MKLN1: variants seen among roughly 807,000 people sequenced by gnomAD.
The protein encoded by MKLN1 is muskelin.
Under a neutral mutation model 99.0 loss-of-function variants are expected in MKLN1, and 18 were observed. That is an observed-to-expected ratio of 0.18 (90% CI 0.13 to 0.27). The LOEUF (loss-of-function observed/expected upper bound fraction) is 0.27, where lower values mean the gene tolerates loss of function less well. Ranked by LOEUF, MKLN1 falls within the 10% of genes least tolerant of loss-of-function variation. MKLN1 has a pLI of 1.00. For missense variants in MKLN1, 621 were observed against 875.9 expected, an observed-to-expected ratio of 0.71 and a Z score of 3.67; for synonymous variants, 288 against 293.2, an observed-to-expected ratio of 0.98 and a Z score of 0.18.
intron 2 of MKLN1, among the ~76,000 whole-genome samples, chr7:131,189,640 T>C (rs935857439): frequency 1.3e-5 from 2 of 152,076 alleles, no homozygotes; most frequent in African/African-American, 4.8e-5. Flanking sequence ...TTAGCTTTGT[T>C]TGCAAGATGC....
At chr7:131,262,393 T>C (rs1013838704) in intron 3 of MKLN1, among the ~76,000 whole-genome samples, 21 of 151,976 alleles carry the variant, frequency 1.4e-4, no homozygotes, top group Non-Finnish European at 2.9e-5. Context: ...GCCGAGATTG[T>C]GCCACTGCAC....
chr7:131,186,762 C>G (rs1563245249), intron 2 of MKLN1, among the ~76,000 whole-genome samples: 1 of 152,064 alleles, frequency 6.6e-6, no homozygotes, highest in Admixed American at 6.5e-5. Context: ...TGTGCCTGGC[C>G]CATAGTAAGT....
chr7:131,379,030 G>T (rs1350599867), intron 2 of MKLN1, among the ~76,000 whole-genome samples: 1 of 152,008 alleles, frequency 6.6e-6, no homozygotes, highest in African/African-American at 2.4e-5. Context: ...AAGAAAACTC[G>T]TCTCTGAGAG....
intron 1 of MKLN1, among the ~76,000 whole-genome samples, chr7:131,354,532 T>A (rs1563307869): frequency 6.6e-6 from 1 of 151,596 alleles, no homozygotes; most frequent in Non-Finnish European, 1.5e-5. Context: ...GGCGTAAATC[T>A]TGTGGGATTT....
intron 1 of MKLN1, among the ~76,000 whole-genome samples, chr7:131,124,579 G>T (rs1795425064): frequency 6.6e-6 from 1 of 152,088 alleles, no homozygotes; most frequent in African/African-American, 2.4e-5. Context: ...TTTCAGTTAG[G>T]TCAGCCATGG....
intron 6 of MKLN1, among the ~76,000 whole-genome samples, chr7:131,410,314 T>C (rs1229096783): frequency 6.6e-6 from 1 of 152,212 alleles, no homozygotes. Context: ...TTTCTTACTT[T>C]TTTTAAATAC....
At chr7:131,375,199 GAA>G (rs1279798972) in intron 1 of MKLN1, among the ~76,000 whole-genome samples, 2 of 152,078 alleles carry the variant, frequency 1.3e-5, no homozygotes, top group African/African-American at 4.8e-5. Flanking sequence ...AGTGCCTTAT[GAA>G]AAGTCTTGAT....
chr7:131,182,288 C>T (rs1447808721), intron 2 of MKLN1, among the ~76,000 whole-genome samples: 1 of 152,206 alleles, frequency 6.6e-6, no homozygotes, highest in Non-Finnish European at 1.5e-5. Flanking sequence ...GTTCCCATAG[C>T]TTTCAGGAAT....
At position 131,494,542 on chromosome 7, in the gene MKLN1, A is replaced by G. The variant is rs548227534; in HGVS notation, c.*6814A>G. On this transcript the variant is annotated 3_prime_UTR_variant, in exon 18 of 18. Coordinates refer to ENST00000352689, the MANE Select transcript of MKLN1 (RefSeq NM_013255.5). ...CTTAGGAGTAGTCTTCCGTGGGGGA[A>G]GATAAATTTATTAAAGAGTCATGTA... 6.6e-6 allele frequency: 1 copy of G among 152,310 alleles called. No individual in the cohort carries two copies. Among genetic ancestry groups the G allele is most frequent in the Admixed American group, 6.5e-5 (1 of 15,298 alleles). The allele number at this position is 152,310 out of a possible 1,614,324, so 9.4% of individuals were successfully genotyped here.
At chr7:131,323,005 G>A (rs566815697), upstream of MKLN1, among the ~76,000 whole-genome samples, 3 of 152,300 alleles carry the variant, frequency 2.0e-5, no homozygotes, top group South Asian at 2.1e-4. Context: ...ATTACAATTC[G>A]AGATGACATT....
At chr7:131,162,242 G>A (rs1047888890) in intron 2 of MKLN1, among the ~76,000 whole-genome samples, 7 of 151,880 alleles carry the variant, frequency 4.6e-5, no homozygotes, top group African/African-American at 7.2e-5. Context: ...TAGTAGAGAC[G>A]GGGTTTCATC....
chr7:131,153,427 T>A (rs1197438916), intron 2 of MKLN1, among the ~76,000 whole-genome samples: 2 of 152,132 alleles, frequency 1.3e-5, no homozygotes, highest in Non-Finnish European at 2.9e-5. Flanking sequence ...GCTTTCCTGC[T>A]ATTTGGTACA....
chr7:131,447,175 T>C (rs551038624), intron 12 of MKLN1, among the ~76,000 whole-genome samples: 1 of 152,288 alleles, frequency 6.6e-6, no homozygotes, highest in East Asian at 1.9e-4. Context: ...ATAGTGTAAG[T>C]GTAGTAAACA....
At chr7:131,414,882 G>T (rs1303949387) in intron 8 of MKLN1, among the ~76,000 whole-genome samples, 172 bp downstream of exon 8, 1 of 152,060 alleles carries the variant, frequency 6.6e-6, no homozygotes, top group African/African-American at 2.4e-5. Flanking sequence ...GTATGTGTGT[G>T]TATGTGTCTA....
At chr7:131,248,856 T>C (rs892488445) in intron 3 of MKLN1, among the ~76,000 whole-genome samples, 10 of 152,224 alleles carry the variant, frequency 6.6e-5, no homozygotes, top group Middle Eastern at 3.2e-3. Flanking sequence ...TCCTGGCTTC[T>C]TTCCCAGATA....
intron 4 of MKLN1, among the ~76,000 whole-genome samples, chr7:131,395,454 TA>T (rs1794332605): frequency 6.5e-5 from 2 of 30,916 alleles, no homozygotes; most frequent in Middle Eastern, 0.038. Context: ...AAATTATTTT[TA>T]TTTTATTTTA....
At chr7:131,238,336 C>T (rs958621939) in intron 3 of MKLN1, among the ~76,000 whole-genome samples, 2 of 152,132 alleles carry the variant, frequency 1.3e-5, no homozygotes, top group African/African-American at 2.4e-5. Context: ...TGAATTAATT[C>T]TTTGCCTCAG....
chr7:131,187,010 T>C (rs960490622), intron 2 of MKLN1, among the ~76,000 whole-genome samples: 2 of 152,088 alleles, frequency 1.3e-5, no homozygotes, highest in African/African-American at 4.8e-5. Context: ...TAGAGAGGCG[T>C]GAAATAGCAC....
intron 1 of MKLN1, among the ~76,000 whole-genome samples, chr7:131,356,400 T>G (rs1455541943): frequency 1.3e-5 from 2 of 152,128 alleles, no homozygotes; most frequent in Non-Finnish European, 2.9e-5. Context: ...AGCCCCCTAC[T>G]GCCCTGCTCA....
Sources: allele counts gnomAD v4.1 joint callset (sites outside exome capture counted in the v4.1 genomes callset), GRCh38; gene constraint gnomAD v4.1.1; transcripts MANE v1.5; gene names NCBI Gene and HGNC (gene_info 2026-07-23, HGNC 2026-07-21).